The following TIAM2 variants were observed in gnomAD, a reference collection of about 807,000 sequenced individuals.
TIAM2 encodes rho guanine nucleotide exchange factor TIAM2.
A neutral mutation model predicts 152.9 loss-of-function variants in TIAM2; 80 were observed. The observed-to-expected ratio is 0.52, with a 90% CI of 0.44 to 0.63. The LOEUF is 0.63. Among genes scored for constraint, TIAM2 ranks in the 30% least tolerant of loss-of-function variants. The pLI, the probability that TIAM2 is intolerant of heterozygous loss-of-function variation, is 0.00. For missense variants in TIAM2, 1,965 were observed against 2,120.1 expected (o/e 0.93, Z 1.44); for synonymous variants, 804 against 838.0 (o/e 0.96, Z 0.70).
chr6:155,142,884 C>G (rs1391111876), intron 5 of TIAM2, among the ~76,000 whole-genome samples: 1 of 152,166 alleles, frequency 6.6e-6, no homozygotes, highest in Non-Finnish European at 1.5e-5. Flanking sequence ...CTCTTGGCTT[C>G]TATGTGCTGT....
intron 1 of TIAM2, among the ~76,000 whole-genome samples, chr6:155,084,309 C>T (rs1444559042): frequency 6.6e-6 from 1 of 152,206 alleles, no homozygotes; most frequent in South Asian, 2.1e-4. Flanking sequence ...CAGGCAAGAT[C>T]AGAAGCAAGC....
intron 14 of TIAM2, among the ~76,000 whole-genome samples, chr6:155,209,932 C>A (rs1781681937): frequency 2.0e-5 from 3 of 152,198 alleles, no homozygotes; most frequent in Admixed American, 1.3e-4. Context: ...TTCCCTGCCC[C>A]CATCATGCTG....
intron 1 of TIAM2, among the ~76,000 whole-genome samples, chr6:155,077,022 C>G (rs79699812): frequency 8.3e-4 from 127 of 152,222 alleles, no homozygotes; most frequent in African/African-American, 3.0e-3. Context: ...TCTACAAATT[C>G]CTTTTATTTC....
At chr6:155,075,013 A>G (rs1228154916) in intron 1 of TIAM2, among the ~76,000 whole-genome samples, 1 of 152,018 alleles carries the variant, frequency 6.6e-6, no homozygotes, top group African/African-American at 2.4e-5. Context: ...AGTCTGGATA[A>G]GGACGGTGGG....
At chr6:155,191,120 T>C (rs1179102341) in intron 14 of TIAM2, among the ~76,000 whole-genome samples, 1 of 152,186 alleles carries the variant, frequency 6.6e-6, no homozygotes, top group Non-Finnish European at 1.5e-5. Context: ...ATGCCAGCAG[T>C]GTAGAAGGGT....
At chr6:155,131,813 A>G (rs1779454498) in intron 4 of TIAM2, among the ~76,000 whole-genome samples, 1 of 152,070 alleles carries the variant, frequency 6.6e-6, no homozygotes, top group Admixed American at 6.6e-5. Flanking sequence ...TCCTGACCTC[A>G]GGTGATCCAC....
At chr6:155,071,640 C>G (rs1387305772) in intron 1 of TIAM2, among the ~76,000 whole-genome samples, 3 of 152,118 alleles carry the variant, frequency 2.0e-5, no homozygotes, top group Non-Finnish European at 4.4e-5. Context: ...CGCGGTGGCT[C>G]ACGCCTGTAA....
At chr6:155,099,232 G>A (rs758021926) in intron 2 of TIAM2, among the ~76,000 whole-genome samples, 14,152 of 149,520 alleles carry the variant, frequency 0.095, 996 homozygotes, top group African/African-American at 0.18. Context: ...GTGTGTGTGT[G>A]TGTGTGTGTG....
chr6:155,097,799 T>G (rs572531027), intron 2 of TIAM2, among the ~76,000 whole-genome samples: 20 of 152,258 alleles, frequency 1.3e-4, no homozygotes, highest in Non-Finnish European at 2.6e-4. Context: ...GGTCTTAGAT[T>G]TAAGTCTTTA....
intron 2 of TIAM2, among the ~76,000 whole-genome samples, chr6:155,108,565 A>T (rs1047272872): frequency 2.0e-5 from 3 of 152,204 alleles, no homozygotes; most frequent in East Asian, 3.8e-4. Flanking sequence ...ATGCAAATAG[A>T]TAACACCTTT....
chr6:155,188,100 A>C (rs1199325562), intron 14 of TIAM2, among the ~76,000 whole-genome samples: 1 of 152,200 alleles, frequency 6.6e-6, no homozygotes, highest in Non-Finnish European at 1.5e-5. Flanking sequence ...TAATGTGTGC[A>C]AAGTTCCCGG....
chr6:155,187,573 C>CCGTTTTTTTTTT, intron 14 of TIAM2, among the ~76,000 whole-genome samples: 1 of 49,622 alleles, frequency 2.0e-5, no homozygotes, highest in South Asian at 9.5e-4. Flanking sequence ...ACCCCGCCCC[C>CCGTTTTTTTTTT]TTTTTTTTTT....
intron 7 of TIAM2, among the ~76,000 whole-genome samples, chr6:155,157,766 CTT>C (rs1341517513): frequency 6.6e-6 from 1 of 152,184 alleles, no homozygotes; most frequent in Non-Finnish European, 1.5e-5. Context: ...CTCCGTAAGA[CTT>C]GGGTAAATCA....
chr6:155,061,080 G>T (rs1007508369), intron 1 of TIAM2, among the ~76,000 whole-genome samples: 1 of 152,180 alleles, frequency 6.6e-6, no homozygotes, highest in Admixed American at 6.5e-5. Context: ...TAGAAACCAA[G>T]TTCTGGGTGC....
chr6:155,002,942 C>A (rs1319017088), intron 1 of TIAM2, among the ~76,000 whole-genome samples: 1 of 152,030 alleles, frequency 6.6e-6, no homozygotes, highest in African/African-American at 2.4e-5. Context: ...GATCTGCCCT[C>A]CTTGGCCTCC....
At chr6:155,072,809 A>C (rs1262989006) in intron 1 of TIAM2, among the ~76,000 whole-genome samples, 1 of 152,076 alleles carries the variant, frequency 6.6e-6, no homozygotes, top group Non-Finnish European at 1.5e-5. Flanking sequence ...CAGAGGGAGG[A>C]GTTCAGGAAG....
At chr6:155,056,798 C>A (rs1282971932) in intron 1 of TIAM2, among the ~76,000 whole-genome samples, 1 of 151,796 alleles carries the variant, frequency 6.6e-6, no homozygotes, top group Non-Finnish European at 1.5e-5. Context: ...TTATTATTAA[C>A]TAAAGCCCAT....
chr6:155,084,674 C>G (rs559856086), intron 1 of TIAM2, among the ~76,000 whole-genome samples: 1 of 152,206 alleles, frequency 6.6e-6, no homozygotes, highest in East Asian at 1.9e-4. Context: ...ATACTGTGCT[C>G]CATGTGTATA....
At chr6:155,074,790 C>T (rs1777916392) in intron 1 of TIAM2, among the ~76,000 whole-genome samples, 1 of 151,028 alleles carries the variant, frequency 6.6e-6, no homozygotes, top group Non-Finnish European at 1.5e-5. Flanking sequence ...CAGAGCTGAT[C>T]CCAGCGGTCT....
Sources: gnomAD v4.1 joint callset for allele counts (sites outside exome capture counted in the v4.1 genomes callset) on GRCh38, gnomAD v4.1.1 for gene constraint, MANE v1.5 for transcripts, NCBI Gene and HGNC (gene_info 2026-07-23, HGNC 2026-07-21) for gene names.